ACSBG1: variants seen among roughly 807,000 people sequenced by gnomAD.
The protein encoded by ACSBG1 is long-chain-fatty-acid--CoA ligase ACSBG1.
In ACSBG1, 39 loss-of-function variants were observed where a neutral mutation model predicts 80.2. That is an observed-to-expected ratio of 0.49 (90% CI 0.38 to 0.64). The LOEUF (loss-of-function observed/expected upper bound fraction) is 0.64, where lower values mean the gene tolerates loss of function less well. Ranked by LOEUF, ACSBG1 falls within the 30% of genes least tolerant of loss-of-function variation. The probability of loss-of-function intolerance (pLI) is 0.00; values close to 1 mark genes in which losing one functional copy is unlikely to be tolerated. For missense variants in ACSBG1, 828 were observed against 966.4 expected (o/e 0.86, Z 1.90); for synonymous variants, 392 against 379.5 (o/e 1.03, Z -0.38).
chr15:78,185,588 A>G (rs1336950158), intron 5 of ACSBG1, among the ~76,000 whole-genome samples: 1 of 152,216 alleles, frequency 6.6e-6, no homozygotes, highest in Non-Finnish European at 1.5e-5. Flanking sequence ...TAATTGAAAA[A>G]CAGTCTGAGA....
rs1232865931 is a variant in ACSBG1 at position 78,211,586 on chromosome 15, CTT to C, written c.132-3486_132-3485del. ...TCTCCTTTCACAGAAAACAAAAACACTTTATCAGCAGCTACCCAGCAGCATGG... is the reference window on the plus strand; with the variant it reads ...TCTCCTTTCACAGAAAACAAAAACACTATCAGCAGCTACCCAGCAGCATGG... On this transcript the variant is annotated intron_variant, in intron 1 of 13. Transcript: ENST00000258873. Among the ~76,000 whole-genome samples, 3 of 152,238 alleles carry C rather than the reference CTT, an allele frequency of 2.0e-5. No homozygotes were observed. The East Asian group carries it at 5.8e-4, about 29-fold the overall frequency.
intron 1 of ACSBG1, 90 bp downstream of exon 1, chr15:78,234,281 G>T: frequency 1.3e-6 from 2 of 1,518,218 alleles, no homozygotes; most frequent in Non-Finnish European, 1.8e-6. Context: ...GGCTCAGAGA[G>T]AGAAGCAGCT....
At chr15:78,184,010 G>T (rs2074975632) in intron 5 of ACSBG1, among the ~76,000 whole-genome samples, 1 of 152,076 alleles carries the variant, frequency 6.6e-6, no homozygotes, top group African/African-American at 2.4e-5. Context: ...AAAAAAGAAA[G>T]AAATGAATTA....
At chr15:78,190,674 C>T (rs757489417) in intron 5 of ACSBG1, among the ~76,000 whole-genome samples, 9 of 151,708 alleles carry the variant, frequency 5.9e-5, no homozygotes, top group African/African-American at 1.2e-4. Flanking sequence ...AAATGGATGA[C>T]GACAGCTGAA....
At chr15:78,199,590 T>C (rs575042629) in intron 2 of ACSBG1, among the ~76,000 whole-genome samples, 3 of 151,918 alleles carry the variant, frequency 2.0e-5, no homozygotes, top group South Asian at 2.1e-4. Context: ...GTAACGCATA[T>C]GCTAATTAGA....
intron 5 of ACSBG1, among the ~76,000 whole-genome samples, chr15:78,188,466 C>G (rs1174277008): frequency 6.7e-6 from 1 of 150,302 alleles, no homozygotes; most frequent in East Asian, 1.9e-4. Context: ...GGTACTGGTA[C>G]CAAAACAGAG....
At chr15:78,206,623 T>A (rs2075217654) in intron 2 of ACSBG1, among the ~76,000 whole-genome samples, 1 of 152,058 alleles carries the variant, frequency 6.6e-6, no homozygotes, top group South Asian at 2.1e-4. Context: ...ACTCAGGGCC[T>A]TCTCCCTGTC....
chr15:78,222,881 G>A (rs1265600969), intron 1 of ACSBG1, among the ~76,000 whole-genome samples: 1 of 152,102 alleles, frequency 6.6e-6, no homozygotes, highest in Non-Finnish European at 1.5e-5. Context: ...TGAAAAATAA[G>A]GTGAAAGAAT....
chr15:78,200,673 C>T (rs1290983802), intron 2 of ACSBG1, among the ~76,000 whole-genome samples: 2 of 152,190 alleles, frequency 1.3e-5, no homozygotes, highest in Non-Finnish European at 2.9e-5. Context: ...GGCACCACAT[C>T]TCCCATCTCC....
At chr15:78,211,787 G>A (rs2075269437) in intron 1 of ACSBG1, among the ~76,000 whole-genome samples, 1 of 152,106 alleles carries the variant, frequency 6.6e-6, no homozygotes, top group African/African-American at 2.4e-5. Flanking sequence ...TGCACACAGA[G>A]CCTCCCAAGC....
chr15:78,204,128 C>T (rs570350915), intron 2 of ACSBG1, among the ~76,000 whole-genome samples: 211 of 152,326 alleles, frequency 1.4e-3, no homozygotes, highest in African/African-American at 4.8e-3. Flanking sequence ...TCAATGGGGA[C>T]TGAAGAGCTC....
intron 5 of ACSBG1, among the ~76,000 whole-genome samples, chr15:78,191,359 G>C (rs2075055401): frequency 6.6e-6 from 1 of 152,152 alleles, no homozygotes; most frequent in African/African-American, 2.4e-5. Flanking sequence ...CAAGAAGACA[G>C]AAAATCAATA....
chr15:78,234,470 CA>C lies in ACSBG1; in HGVS notation c.31del (p.Cys11AlafsTer22). 1 of 1,612,382 alleles carries C rather than the reference CA, an allele frequency of 6.2e-7. No homozygotes were observed. The highest frequency in any genetic ancestry group is 8.5e-7 in the Non-Finnish European group (1 of 1,180,002). ...CAGCATGCTGGGGTCCCCGTGTGGG[CA>C]GCCGTATCCAGCTCCAGAATTGCGT... The part of the protein sequence containing the change: MPRNSGAGYG[C>X]PHGDPSMLDS... On this transcript the variant is annotated frameshift_variant, in exon 1 of 14. Transcript: ENST00000258873. LOFTEE classifies it high-confidence loss of function.
At position 78,178,970 on chromosome 15, in the gene ACSBG1, G is replaced by A; in HGVS notation, c.1485-139C>T. 1 of 835,272 alleles carries A rather than the reference G, an allele frequency of 1.2e-6. No individual in the cohort carries two copies. The highest frequency in any genetic ancestry group is 1.8e-6 in the Non-Finnish European group (1 of 552,402). The allele number at this position is 835,272 out of a possible 1,614,324, so 51.7% of individuals were successfully genotyped here. A position where few individuals can be genotyped will look rare whatever the true frequency, so the allele number is the denominator to read the frequency against. On this transcript the variant is annotated intron_variant, in intron 10 of 13. Transcript: ENST00000258873. This position sits in a 1 kb window ranked among gnomAD's most constrained non-coding sequence, Gnocchi z 4.3. Reference sequence around the variant, plus strand: ...TCACAGGGCTTTTGTATTTTTACAGGGGACTTACAGCTGAAAGGTAGAGCC... The same window carrying A: ...TCACAGGGCTTTTGTATTTTTACAGAGGACTTACAGCTGAAAGGTAGAGCC...
chr15:78,217,645 C>A (rs1352307675), intron 1 of ACSBG1, among the ~76,000 whole-genome samples: 2 of 151,538 alleles, frequency 1.3e-5, no homozygotes, highest in Admixed American at 6.6e-5. Flanking sequence ...CGGCTCACTG[C>A]AACCACTGCC....
intron 2 of ACSBG1, among the ~76,000 whole-genome samples, chr15:78,196,025 G>A (rs1304000665): frequency 6.6e-6 from 1 of 152,238 alleles, no homozygotes; most frequent in African/African-American, 2.4e-5. Flanking sequence ...AGGGCCGGAA[G>A]TAGGGATGAC....
At chr15:78,195,467 T>G (rs2075104933) in intron 2 of ACSBG1, among the ~76,000 whole-genome samples, 1 of 146,634 alleles carries the variant, frequency 6.8e-6, no homozygotes, top group African/African-American at 2.8e-5. Flanking sequence ...ACCCTGCCTT[T>G]AAGAGTCAGA....
At chr15:78,231,585 C>T (rs893878520) in intron 1 of ACSBG1, among the ~76,000 whole-genome samples, 18 of 152,168 alleles carry the variant, frequency 1.2e-4, no homozygotes, top group African/African-American at 4.1e-4. Flanking sequence ...TGTGCCTAGC[C>T]TATTTTTTAT....
intron 1 of ACSBG1, among the ~76,000 whole-genome samples, chr15:78,210,587 G>C (rs1221662000): frequency 6.6e-6 from 1 of 152,100 alleles, no homozygotes; most frequent in East Asian, 1.9e-4. Context: ...CGTAATGGTC[G>C]TCTTTCAGTT....
Sources: gnomAD v4.1 joint callset for allele counts (sites outside exome capture counted in the v4.1 genomes callset) on GRCh38, gnomAD v4.1.1 for gene constraint, Gnocchi (gnomAD v3.1) non-coding constraint, MANE v1.5 for transcripts, NCBI Gene and HGNC (gene_info 2026-07-23, HGNC 2026-07-21) for gene names.